Variants in PFKFB3 observed in about 807,000 individuals in gnomAD.
The protein encoded by PFKFB3 is 6-phosphofructo-2-kinase/fructose-2,6-bisphosphatase 3.
Under a neutral mutation model 68.0 loss-of-function variants are expected in PFKFB3, and 33 were observed. That is an observed-to-expected ratio of 0.49 (90% CI 0.37 to 0.65). The LOEUF (loss-of-function observed/expected upper bound fraction) is 0.65. Ranked by LOEUF, PFKFB3 falls within the 30% of genes least tolerant of loss-of-function variation. The pLI is 0.00. For missense variants in PFKFB3, 586 were observed against 712.2 expected, an observed-to-expected ratio of 0.82 and a Z score of 2.02; for synonymous variants, 315 against 288.2, an observed-to-expected ratio of 1.09 and a Z score of -0.94.
chr10:6,316,850 T>C, the PFKFB3 span, among the ~76,000 whole-genome samples: 1 of 152,182 alleles, frequency 6.6e-6, no homozygotes, highest in African/African-American at 2.4e-5. Context: ...TGGAACTCCC[T>C]GCTAGGCTGG....
downstream of PFKFB3, among the ~76,000 whole-genome samples, chr10:6,239,778 A>G (rs1243241837): frequency 6.6e-6 from 1 of 152,114 alleles, no homozygotes; most frequent in African/African-American, 2.4e-5. Context: ...GGCTCAAGCC[A>G]TTCTCCCACC....
chr10:6,294,854 T>G, the PFKFB3 span, among the ~76,000 whole-genome samples: 1 of 152,340 alleles, frequency 6.6e-6, no homozygotes, highest in African/African-American at 2.4e-5. Flanking sequence ...ACTTTTCCAT[T>G]AGAGCCTTTA....
At chr10:6,146,854 T>G (rs754803037) in intron 1 of PFKFB3, among the ~76,000 whole-genome samples, 72 of 152,254 alleles carry the variant, frequency 4.7e-4, no homozygotes, top group Non-Finnish European at 9.3e-4. Context: ...TTATTATCAT[T>G]GTTTAATCTG....
rs200788633 is a variant in PFKFB3 at position 6,188,018 on chromosome 10, TATC to T, written c.17-25604_17-25602del. 5.8e-3 allele frequency among the ~76,000 whole-genome samples: 886 copies of T among 151,652 alleles called. 2 individuals carry two copies. Among genetic ancestry groups the T allele is most frequent in the Admixed American group, 0.01 (152 of 15,172 alleles). ...ACCTACCTACATATATATATATATA[TATC>T]TGCCTCATAAAGAGGAAGAGAAAAT... On this transcript the variant is annotated intron_variant, in intron 1 of 14. Coordinates refer to the PFKFB3 transcript ENST00000379789.
At chr10:6,291,494 T>C in the PFKFB3 span, among the ~76,000 whole-genome samples, 51 of 151,594 alleles carry the variant, frequency 3.4e-4, no homozygotes, top group African/African-American at 8.7e-4. Context: ...AGAGGTTGCA[T>C]TGAGCAGAGA....
At chr10:6,257,565 C>T (rs1184678969), downstream of PFKFB3, among the ~76,000 whole-genome samples, 9 of 152,118 alleles carry the variant, frequency 5.9e-5, no homozygotes, top group African/African-American at 2.2e-4. Context: ...AGTGTGCTAG[C>T]CCGTGTCCAG....
rs1842516921 is a variant in PFKFB3, at chr10:6,177,390, T to TTCTTTCTTTCTTTCTTTC, written c.16+32379_16+32396dup. Among the ~76,000 whole-genome samples, 3 of 63,720 alleles carry TTCTTTCTTTCTTTCTTTC rather than the reference T, an allele frequency of 4.7e-5. No homozygotes were observed. In the South Asian group the frequency reaches 2.4e-3, roughly 50 times the overall value. 41.8% of individuals were successfully genotyped at this position (63,720 alleles called of 152,430 possible). A position where few individuals can be genotyped will look rare whatever the true frequency, so the allele number is the denominator to read the frequency against. On this transcript the variant is annotated intron_variant, in intron 1 of 14. Coordinates refer to the PFKFB3 transcript ENST00000379789. ...TTTCTTTCTTTCTTTCTTTCTTTCT[T>TTCTTTCTTTCTTTCTTTC]TCTTTCTTTCTTTCTTTCTTCTTTC...
chr10:6,208,286 G>A (rs1315147675), intron 1 of PFKFB3, among the ~76,000 whole-genome samples: 2 of 150,670 alleles, frequency 1.3e-5, no homozygotes, highest in Non-Finnish European at 2.9e-5. Context: ...TGTTGCCCAA[G>A]CTGGTCTCGA....
chr10:6,218,306 T>C (rs1844726418), intron 6 of PFKFB3, among the ~76,000 whole-genome samples: 1 of 152,022 alleles, frequency 6.6e-6, no homozygotes, highest in South Asian at 2.1e-4. Context: ...TCTGATGAAA[T>C]CTCAAAGCAG....
Position 6,243,202 on chromosome 10 carries a change from A to G in PFKFB3, c.1516-10976A>G, listed in dbSNP as rs112682885. Reference sequence around the variant, plus strand: ...AAGCCAGTGCTCCAGAGCGCGTTTCATTAGAGAAAAAAAGAGAGATCCCTT... The same window carrying G: ...AAGCCAGTGCTCCAGAGCGCGTTTCGTTAGAGAAAAAAAGAGAGATCCCTT... On this transcript the variant is annotated intron_variant, in intron 14 of 14. Transcript: ENST00000640683. Among the ~76,000 whole-genome samples the G allele has an allele frequency of 2.5e-3, 383 of 152,336 alleles. 2 individuals carry two copies. The highest frequency in any genetic ancestry group is 8.8e-3 in the African/African-American group (364 of 41,564).
intron 14 of PFKFB3, chr10:6,254,097 CTTTT>C (rs34789693): frequency 0.018 from 5,949 of 322,600 alleles, no homozygotes; most frequent in Middle Eastern, 0.026. Flanking sequence ...TTTCAGATGG[CTTTT>C]TTTTTTTTTT....
At chr10:6,161,279 C>T (rs975829410) in intron 1 of PFKFB3, among the ~76,000 whole-genome samples, 11 of 152,212 alleles carry the variant, frequency 7.2e-5, no homozygotes, top group Admixed American at 4.6e-4. Context: ...TCAAGACTTA[C>T]GACTCAGGGC....
chr10:6,189,868 A>G (rs191241949), intron 1 of PFKFB3, among the ~76,000 whole-genome samples: 4 of 152,160 alleles, frequency 2.6e-5, no homozygotes, highest in Non-Finnish European at 4.4e-5. Context: ...TTTCTCTACT[A>G]TATGGTCACT....
intron 1 of PFKFB3, 73 bp downstream of exon 1, chr10:6,203,409 G>C (rs1564615890): frequency 8.4e-7 from 1 of 1,195,214 alleles, no homozygotes; most frequent in Non-Finnish European, 1.1e-6. Flanking sequence ...GGGCGGCTTT[G>C]TGCCGACGCC....
In PFKFB3 at chr10:6,228,078, A is replaced by G. The variant is rs547763377; in HGVS notation, c.1515+1713A>G. Reference sequence around the variant, plus strand: ...GGGAGGACAGTCCTTCAGGGTGGCCAGGTTCTTAGGGACGTCTGAAGCTGC... The same window carrying G: ...GGGAGGACAGTCCTTCAGGGTGGCCGGGTTCTTAGGGACGTCTGAAGCTGC... On this transcript the variant is annotated intron_variant, in intron 14 of 14. Coordinates refer to ENST00000379775, the MANE Select transcript of PFKFB3 (RefSeq NM_004566.4). The surrounding 1 kb of genome is among the most constrained non-coding windows in gnomAD (Gnocchi z 4.5). 5.6e-6 allele frequency: 6 copies of G among 1,076,476 alleles called. No homozygotes were observed. In the African/African-American group the frequency reaches 7.7e-5, roughly 14 times the overall value. The allele number at this position is 1,076,476 out of a possible 1,614,324, so 66.7% of individuals were successfully genotyped here. A position where few individuals can be genotyped will look rare whatever the true frequency, so the allele number is the denominator to read the frequency against.
At chr10:6,209,240 T>G (rs1843997103) in intron 1 of PFKFB3, among the ~76,000 whole-genome samples, 1 of 152,174 alleles carries the variant, frequency 6.6e-6, no homozygotes, top group African/African-American at 2.4e-5. Context: ...ATTCGGGTGT[T>G]TAGTCTGTTA....
intron 14 of PFKFB3, among the ~76,000 whole-genome samples, chr10:6,253,309 T>C (rs1250118609): frequency 6.6e-6 from 1 of 152,260 alleles, no homozygotes; most frequent in African/African-American, 2.4e-5. Flanking sequence ...TGAAAAGGCT[T>C]GACTGTTAGT....
At chr10:6,246,079 A>G (rs10795936) in intron 14 of PFKFB3, among the ~76,000 whole-genome samples, 127,676 of 152,056 alleles carry the variant, frequency 0.84, 54,264 homozygotes, top group Middle Eastern at 0.91. Context: ...CATGGCCTGG[A>G]TGCCCTGGGT....
intron 14 of PFKFB3, among the ~76,000 whole-genome samples, chr10:6,243,619 C>T (rs1846189858): frequency 6.6e-6 from 1 of 152,242 alleles, no homozygotes; most frequent in Non-Finnish European, 1.5e-5. Flanking sequence ...CCTAATTCAA[C>T]TTTGCAGAGC....
Sources: gnomAD v4.1 joint callset for allele counts (sites outside exome capture counted in the v4.1 genomes callset) on GRCh38, gnomAD v4.1.1 for gene constraint, Gnocchi (gnomAD v3.1) non-coding constraint, MANE v1.5 for transcripts, NCBI Gene and HGNC (gene_info 2026-07-23, HGNC 2026-07-21) for gene names.